TMEM135: variants seen among roughly 807,000 people sequenced by gnomAD.
TMEM135 encodes the protein peroxisomal membrane protein 52.
In TMEM135, 30 loss-of-function variants were observed where a neutral mutation model predicts 60.3. The ratio of observed to expected loss-of-function variants is 0.50; its 90% CI spans 0.37 to 0.68. TMEM135 has a LOEUF of 0.68. TMEM135 is among the 30% of genes least tolerant of loss of function. The pLI, the probability that TMEM135 is intolerant of heterozygous loss-of-function variation, is 0.00. For missense variants in TMEM135, 468 were observed against 548.8 expected (o/e 0.85, Z 1.47); for synonymous variants, 190 against 186.7 (o/e 1.02, Z -0.14).
chr11:87,098,981 C>T (rs1591017907), intron 4 of TMEM135, among the ~76,000 whole-genome samples: 1 of 152,156 alleles, frequency 6.6e-6, no homozygotes, highest in East Asian at 1.9e-4. Context: ...AGCCACCGTG[C>T]CCAGCCAAAT....
At chr11:87,113,307 A>G (rs1313080401) in intron 4 of TMEM135, among the ~76,000 whole-genome samples, 1 of 152,118 alleles carries the variant, frequency 6.6e-6, no homozygotes, top group Non-Finnish European at 1.5e-5. Context: ...AGAGAAAGGA[A>G]GAAAAATTGA....
intron 1 of TMEM135, among the ~76,000 whole-genome samples, chr11:87,041,787 A>G (rs1853978167): frequency 6.6e-6 from 1 of 152,224 alleles, no homozygotes; most frequent in Admixed American, 6.5e-5. Flanking sequence ...GCGGGAGTGA[A>G]GACATATTTG....
chr11:87,064,444 C>A (rs1856608467), intron 1 of TMEM135, among the ~76,000 whole-genome samples: 1 of 152,132 alleles, frequency 6.6e-6, no homozygotes, highest in South Asian at 2.1e-4. Flanking sequence ...GCCATTGATA[C>A]AGTCAAAATA....
chr11:87,102,675 G>GAT (rs755278642), intron 4 of TMEM135, among the ~76,000 whole-genome samples: 2 of 143,146 alleles, frequency 1.4e-5, no homozygotes, highest in African/African-American at 5.2e-5. Flanking sequence ...GTGATGTTTT[G>GAT]ATATATATAT....
At chr11:87,102,998 A>T (rs915218791) in intron 4 of TMEM135, among the ~76,000 whole-genome samples, 1 of 151,990 alleles carries the variant, frequency 6.6e-6, no homozygotes, top group African/African-American at 2.4e-5. Flanking sequence ...TTGGACTTTC[A>T]TAAGATTCCA....
intron 4 of TMEM135, among the ~76,000 whole-genome samples, chr11:87,101,253 A>G (rs1450115324): frequency 6.6e-6 from 1 of 152,166 alleles, no homozygotes; most frequent in East Asian, 1.9e-4. Flanking sequence ...CCCATAAGAG[A>G]ACACTTGCTG....
intron 6 of TMEM135, among the ~76,000 whole-genome samples, chr11:87,261,744 C>T (rs541662894): frequency 7.2e-5 from 11 of 152,202 alleles, no homozygotes; most frequent in Middle Eastern, 3.4e-3. Context: ...ACCTCAGCCT[C>T]CTGGGTGGCT....
chr11:87,305,788 T>TAAGTAAAGAAAGAAAGAAAGAAAG (rs1942530405), intron 8 of TMEM135, 148 bp from the exon 9 acceptor site: 1 of 357,170 alleles, frequency 2.8e-6, no homozygotes, highest in African/African-American at 2.3e-5. Context: ...AATAAATAAA[T>TAAGTAAAGAAAGAAAGAAAGAAAG]AAATAAATAA....
At chr11:87,079,834 T>C (rs1856949320) in intron 3 of TMEM135, among the ~76,000 whole-genome samples, 1 of 136,526 alleles carries the variant, frequency 7.3e-6, no homozygotes, top group African/African-American at 2.9e-5. Context: ...TCTTTTTTTC[T>C]TTTCTTTTCT....
At chr11:87,056,717 C>G (rs1340832487) in intron 1 of TMEM135, among the ~76,000 whole-genome samples, 3 of 152,122 alleles carry the variant, frequency 2.0e-5, no homozygotes, top group Non-Finnish European at 4.4e-5. Context: ...GATTTCTTCT[C>G]TTTCTCAAAT....
At chr11:87,200,867 T>C (rs1165182308) in intron 5 of TMEM135, among the ~76,000 whole-genome samples, 1 of 152,194 alleles carries the variant, frequency 6.6e-6, no homozygotes, top group Non-Finnish European at 1.5e-5. Context: ...TGTAAATGTA[T>C]GGTATGTAGA....
At chr11:87,266,984 T>A (rs1941762087) in intron 6 of TMEM135, among the ~76,000 whole-genome samples, 1 of 151,980 alleles carries the variant, frequency 6.6e-6, no homozygotes, top group Admixed American at 6.6e-5. Flanking sequence ...CAGGTGGAGG[T>A]GATGTAAGAA....
chr11:87,302,169 T>C, intron 7 of TMEM135, 127 bp from the exon 8 acceptor site: 1 of 996,648 alleles, frequency 1.0e-6, no homozygotes, highest in South Asian at 1.7e-5. Context: ...TTATGTAAAT[T>C]GTGAAAATAC....
At chr11:87,313,386 A>T (rs755353734) in intron 10 of TMEM135, 39 bp from the exon 11 acceptor site, 6 of 1,538,950 alleles carry the variant, frequency 3.9e-6, no homozygotes, top group Non-Finnish European at 4.5e-6. Flanking sequence ...ATTTCTAGAA[A>T]TAAAATAACT....
At chr11:87,165,062 A>ACTT (rs1423404078) in intron 5 of TMEM135, among the ~76,000 whole-genome samples, 1 of 44,116 alleles carries the variant, frequency 2.3e-5, no homozygotes, top group Non-Finnish European at 4.1e-5. Flanking sequence ...CCTGGCCAGA[A>ACTT]CTTCCAACAC....
intron 1 of TMEM135, among the ~76,000 whole-genome samples, chr11:87,057,606 T>C (rs1211839345): frequency 6.6e-6 from 1 of 152,234 alleles, no homozygotes; most frequent in Non-Finnish European, 1.5e-5. Context: ...TATGAGATAG[T>C]GCACATATAA....
At chr11:87,214,832 T>G (rs1032345405) in intron 5 of TMEM135, among the ~76,000 whole-genome samples, 1 of 152,170 alleles carries the variant, frequency 6.6e-6, no homozygotes, top group African/African-American at 2.4e-5. Context: ...TTAAGATGTG[T>G]TAGCAGCCAA....
chr11:87,087,948 G>T (rs1857131397), intron 3 of TMEM135, among the ~76,000 whole-genome samples: 1 of 152,106 alleles, frequency 6.6e-6, no homozygotes, highest in Non-Finnish European at 1.5e-5. Context: ...ATGTTGGTCA[G>T]GCTGGTCTCG....
intron 5 of TMEM135, among the ~76,000 whole-genome samples, chr11:87,186,679 A>C (rs973244199): frequency 2.6e-5 from 4 of 152,188 alleles, no homozygotes; most frequent in African/African-American, 9.6e-5. Flanking sequence ...ATACTCATTT[A>C]ACCTCGTATA....
Sources: allele counts gnomAD v4.1 joint callset (sites outside exome capture counted in the v4.1 genomes callset), GRCh38; gene constraint gnomAD v4.1.1; transcripts MANE v1.5; gene names NCBI Gene and HGNC (gene_info 2026-07-23, HGNC 2026-07-21).